The following PCDHAC2 variants were observed in gnomAD, a reference collection of about 807,000 sequenced individuals.
PCDHAC2 encodes the protein protocadherin alpha-C2.
A neutral mutation model predicts 63.3 loss-of-function variants in PCDHAC2; 24 were observed. The observed-to-expected ratio is 0.38, with a 90% CI of 0.27 to 0.53. The LOEUF is 0.53. Ranked by LOEUF, PCDHAC2 falls within the 20% of genes least tolerant of loss-of-function variation. The pLI is 0.81. For synonymous variants in PCDHAC2, 569 were observed against 529.4 expected (o/e 1.07, Z -1.03); for missense variants, 1,181 against 1,275.2 (o/e 0.93, Z 1.12).
rs1255699815 is a variant in PCDHAC2, at chr5:140,984,173, C to T, written c.2713+1610C>T. On this transcript the variant is annotated intron_variant, in intron 3 of 3. Transcript: ENST00000289269. The stretch of plus-strand genomic sequence containing the variant: ...AGGTGAGAACTTCCCAAAGAAGCCA[C>T]GTGAAATCATGACTTTCTACCTTGC... Among the ~76,000 whole-genome samples, 5 of 152,166 alleles carry T rather than the reference C, an allele frequency of 3.3e-5. No individual in the cohort carries two copies. The South Asian group carries it at 6.2e-4, about 19-fold the overall frequency.
rs527281567 is a variant in PCDHAC2 at position 140,992,060 on chromosome 5, A to T, written c.2713+9497A>T. Among the ~76,000 whole-genome samples the T allele has an allele frequency of 3.3e-3, 484 of 147,642 alleles. 5 individuals are homozygous for T. Among genetic ancestry groups the T allele is most frequent in the South Asian group, 0.015 (69 of 4,700 alleles). On this transcript the variant is annotated intron_variant, in intron 3 of 3. Transcript: ENST00000289269. The stretch of plus-strand genomic sequence containing the variant: ...GTGTGTGTGTGTGTGTGTGTAAGTT[A>T]ATTTCAGTAGAGAATGAGCTAGAGT...
At chr5:141,001,522 C>G (rs1554258201) in intron 3 of PCDHAC2, among the ~76,000 whole-genome samples, 1 of 152,214 alleles carries the variant, frequency 6.6e-6, no homozygotes, top group African/African-American at 2.4e-5. Context: ...TTCTCCCTCT[C>G]TCTCTGATCC....
intron 1 of PCDHAC2, among the ~76,000 whole-genome samples, chr5:140,969,822 G>C (rs559271640): frequency 2.0e-5 from 3 of 152,202 alleles, no homozygotes; most frequent in Non-Finnish European, 4.4e-5. Context: ...ACTCTGGACT[G>C]TCTACAGTGG....
At chr5:141,003,663 A>G (rs1298864445) in intron 3 of PCDHAC2, among the ~76,000 whole-genome samples, 4 of 152,204 alleles carry the variant, frequency 2.6e-5, no homozygotes, top group Non-Finnish European at 5.9e-5. Flanking sequence ...CATTTATTAA[A>G]ATATATGTTG....
chr5:140,973,493 C>T (rs1050229284), intron 1 of PCDHAC2, among the ~76,000 whole-genome samples: 1 of 152,116 alleles, frequency 6.6e-6, no homozygotes, highest in African/African-American at 2.4e-5. Context: ...TCACAGGACT[C>T]TTCTTCTGAG....
At chr5:141,000,421 AT>A (rs34755515) in intron 3 of PCDHAC2, among the ~76,000 whole-genome samples, 491 of 27,806 alleles carry the variant, frequency 0.018, 4 homozygotes, top group South Asian at 0.021. Flanking sequence ...ATATATATAT[AT>A]TTTTTTTTTT....
intron 3 of PCDHAC2, among the ~76,000 whole-genome samples, chr5:140,985,949 C>T (rs1195801055): frequency 2.6e-5 from 4 of 152,032 alleles, no homozygotes; most frequent in African/African-American, 9.7e-5. Context: ...CTGTGTTAGC[C>T]AGGATGGTCT....
rs2096315830 is a variant in PCDHAC2 at position 140,969,286 on chromosome 5, T to C, written c.2520T>C (p.Ala840=). 1.9e-6 allele frequency: 3 copies of C among 1,614,076 alleles called. No individual in the cohort carries two copies. Among genetic ancestry groups the C allele is most frequent in the Admixed American group, 1.7e-5 (1 of 60,002 alleles). ...RNLTGQSGQN[A]GNLIILKNEA... ...TCACAGGCCAAAGTGGTCAGAATGCTGGGAACCTGATTATTCTCAAAAATG... is the reference window on the plus strand; with the variant it reads ...TCACAGGCCAAAGTGGTCAGAATGCCGGGAACCTGATTATTCTCAAAAATG... Residue 840 remains alanine (A), a synonymous_variant, in exon 1 of 4, where the codon GCT becomes GCC. Coordinates refer to ENST00000289269, the MANE Select transcript of PCDHAC2 (RefSeq NM_018899.6).
At chr5:140,981,049 T>C (rs2096916420) in intron 2 of PCDHAC2, among the ~76,000 whole-genome samples, 1 of 152,158 alleles carries the variant, frequency 6.6e-6, no homozygotes. Context: ...AAACAGATAA[T>C]TCTAGAGTGT....
chr5:140,981,252 T>C (rs1482350756), intron 2 of PCDHAC2, among the ~76,000 whole-genome samples: 1 of 152,240 alleles, frequency 6.6e-6, no homozygotes, highest in African/African-American at 2.4e-5. Context: ...GAAATTTAAC[T>C]TTCAAGATAA....
In PCDHAC2 at chr5:140,966,633, C is replaced by G. The variant is rs2096029445; in HGVS notation, c.-134C>G. 8.9e-6 allele frequency: 9 copies of G among 1,005,802 alleles called. No homozygotes were observed. The highest frequency in any genetic ancestry group is 5.4e-6 in the Non-Finnish European group (4 of 744,822). 62.3% of individuals were successfully genotyped at this position (1,005,802 alleles called of 1,614,324 possible). A position where few individuals can be genotyped will look rare whatever the true frequency, so the allele number is the denominator to read the frequency against. On this transcript the variant is annotated 5_prime_UTR_variant, in exon 1 of 4. Coordinates refer to ENST00000289269, the MANE Select transcript of PCDHAC2 (RefSeq NM_018899.6). The stretch of plus-strand genomic sequence containing the variant: ...GGCCTACGGAGGGAGCGGCCCCAGG[C>G]GCTTTCTAGAGCGTGAGCGGTGGGG...
chr5:140,997,668 TTGTG>T lies in PCDHAC2; in HGVS notation c.2714-11933_2714-11930del, dbSNP rs35184029. On this transcript the variant is annotated intron_variant, in intron 3 of 3. Coordinates refer to ENST00000289269, the MANE Select transcript of PCDHAC2 (RefSeq NM_018899.6). ...AATGCAATATGTATTATTATACAGC[TTGTG>T]TGTGTGTGTGTGTGTGTGTGTGTGT... Among the ~76,000 whole-genome samples, 716 of 148,202 alleles carry T rather than the reference TTGTG, an allele frequency of 4.8e-3. 2 individuals carry two copies. The highest frequency in any genetic ancestry group is 0.01 in the Middle Eastern group (3 of 294).
chr5:141,009,303 T>A (rs1040786824), intron 3 of PCDHAC2, among the ~76,000 whole-genome samples: 16 of 152,050 alleles, frequency 1.1e-4, no homozygotes, highest in East Asian at 1.9e-4. Flanking sequence ...AAATTTTTTT[T>A]AAAAAGCTAG....
intron 1 of PCDHAC2, among the ~76,000 whole-genome samples, chr5:140,970,194 A>G (rs1202666673): frequency 6.6e-6 from 1 of 152,204 alleles, no homozygotes; most frequent in African/African-American, 2.4e-5. Context: ...TTGTAAGAGG[A>G]TTTCCCTGAA....
chr5:140,982,583 C>T lies in PCDHAC2; in HGVS notation c.2713+20C>T, dbSNP rs1251252617. ...CACCAGGTAAAGAGCTGGGGTCTCT[C>T]CATTCTTTCTTGGTTTCTGGAAAGT... is the stretch of plus-strand genomic sequence containing the variant. On this transcript the variant is annotated intron_variant, in intron 3 of 3. Coordinates refer to ENST00000289269, the MANE Select transcript of PCDHAC2 (RefSeq NM_018899.6). The T allele has an allele frequency of 1.2e-6, 2 of 1,612,084 alleles. No homozygotes were observed. The highest frequency in any genetic ancestry group is 4.5e-5 in the East Asian group (2 of 44,856).
rs1396431858 is a variant in PCDHAC2, at chr5:141,010,083, T to C, written c.*146T>C. The C allele has an allele frequency of 1.9e-6, 3 of 1,612,132 alleles. No homozygotes were observed. The African/African-American group carries it at 4.0e-5, about 22-fold the overall frequency. On this transcript the variant is annotated 3_prime_UTR_variant, in exon 4 of 4. Coordinates refer to ENST00000289269, the MANE Select transcript of PCDHAC2 (RefSeq NM_018899.6). Reference sequence around the variant, plus strand: ...CTGCAGAAAGTTCCCTGTGTCTGTCTAGAACGCATTTAACAGGTTTTGTCG... The same window carrying C: ...CTGCAGAAAGTTCCCTGTGTCTGTCCAGAACGCATTTAACAGGTTTTGTCG...
At chr5:140,988,182 G>A (rs191995725) in intron 3 of PCDHAC2, among the ~76,000 whole-genome samples, 79 of 152,240 alleles carry the variant, frequency 5.2e-4, no homozygotes, top group African/African-American at 1.5e-3. Flanking sequence ...ACAGTCCTGG[G>A]AGGTGTGTGC....
At chr5:141,003,988 C>T (rs1554259401) in intron 3 of PCDHAC2, among the ~76,000 whole-genome samples, 1 of 152,120 alleles carries the variant, frequency 6.6e-6, no homozygotes, top group African/African-American at 2.4e-5. Context: ...TGCCGGAGAT[C>T]CTAGAAGGGA....
At chr5:140,988,157 G>A (rs1344911037) in intron 3 of PCDHAC2, among the ~76,000 whole-genome samples, 5 of 152,014 alleles carry the variant, frequency 3.3e-5, no homozygotes, top group African/African-American at 7.3e-5. Context: ...AACTTCTGCC[G>A]TTGTCATAGC....
Sources: allele counts gnomAD v4.1 joint callset (sites outside exome capture counted in the v4.1 genomes callset), GRCh38; gene constraint gnomAD v4.1.1; transcripts MANE v1.5; gene names NCBI Gene and HGNC (gene_info 2026-07-23, HGNC 2026-07-21).